The following MAD1L1 variants were observed in gnomAD, a reference collection of about 807,000 sequenced individuals.
MAD1L1 encodes the protein mitotic arrest deficient 1 like 1.
MAD1L1 carries 95 observed loss-of-function variants against 96.9 expected under a neutral mutation model. The observed-to-expected ratio is 0.98, with a 90% confidence interval of 0.83 to 1.16. The LOEUF is 1.16. Among genes scored for constraint, MAD1L1 ranks in the 50% most tolerant of loss-of-function variants. The pLI is 0.00. For synonymous variants in MAD1L1, 473 were observed against 396.6 expected (o/e 1.19, Z -2.29); for missense variants, 1,007 against 954.4 (o/e 1.06, Z -0.73).
At chr7:2,006,458 G>A (rs1782034167) in intron 13 of MAD1L1, among the ~76,000 whole-genome samples, 1 of 152,036 alleles carries the variant, frequency 6.6e-6, no homozygotes, top group African/African-American at 2.4e-5. Flanking sequence ...GGAGCATTTG[G>A]CAAACGTCCA....
At chr7:2,023,228 T>A (rs1423901590) in intron 12 of MAD1L1, among the ~76,000 whole-genome samples, 1 of 152,180 alleles carries the variant, frequency 6.6e-6, no homozygotes, top group Non-Finnish European at 1.5e-5. Flanking sequence ...AACAGCAGAA[T>A]ATATATTCCT....
intron 17 of MAD1L1, among the ~76,000 whole-genome samples, chr7:1,919,824 G>T (rs1022698148): frequency 6.6e-6 from 1 of 152,212 alleles, no homozygotes; most frequent in African/African-American, 2.4e-5. Context: ...ATCAGCTCAG[G>T]AGCAACTTTG....
intron 12 of MAD1L1, among the ~76,000 whole-genome samples, chr7:2,025,066 A>T (rs1584114616): frequency 6.6e-6 from 1 of 152,360 alleles, no homozygotes; most frequent in East Asian, 1.9e-4. Flanking sequence ...GTACTGGTTC[A>T]TGAACTGTAA....
At chr7:1,958,627 A>C (rs1355765203) in intron 15 of MAD1L1, among the ~76,000 whole-genome samples, 2 of 152,252 alleles carry the variant, frequency 1.3e-5, no homozygotes, top group African/African-American at 2.4e-5. Context: ...TCTAGAACAC[A>C]ACAAGCTAAA....
chr7:1,970,660 T>C (rs1780363995), intron 15 of MAD1L1, among the ~76,000 whole-genome samples: 1 of 152,080 alleles, frequency 6.6e-6, no homozygotes, highest in Admixed American at 6.5e-5. Flanking sequence ...AAGTAAAAAA[T>C]TTAAACACCT....
At chr7:2,071,410 G>A (rs947677310) in intron 11 of MAD1L1, among the ~76,000 whole-genome samples, 1 of 152,214 alleles carries the variant, frequency 6.6e-6, no homozygotes, top group Non-Finnish European at 1.5e-5. Flanking sequence ...GGACGCGGGC[G>A]TCTCATTTCA....
chr7:2,015,939 G>A (rs1289763675), intron 12 of MAD1L1, among the ~76,000 whole-genome samples: 1 of 152,246 alleles, frequency 6.6e-6, no homozygotes, highest in Non-Finnish European at 1.5e-5. Flanking sequence ...AGAGATGGAG[G>A]ATGAGGATGC....
At chr7:2,138,337 G>A (rs1251531643) in intron 11 of MAD1L1, among the ~76,000 whole-genome samples, 7 of 152,336 alleles carry the variant, frequency 4.6e-5, no homozygotes, top group East Asian at 1.9e-4. Flanking sequence ...GCAGGCTGGC[G>A]GTGGGGCGGT....
intron 10 of MAD1L1, among the ~76,000 whole-genome samples, chr7:2,170,645 G>A (rs1324151239): frequency 6.6e-6 from 1 of 152,198 alleles, no homozygotes; most frequent in Non-Finnish European, 1.5e-5. Flanking sequence ...GTGCTGGAGT[G>A]AAGAATAGTT....
chr7:1,863,441 G>A (rs1784626769), intron 18 of MAD1L1, among the ~76,000 whole-genome samples: 1 of 152,254 alleles, frequency 6.6e-6, no homozygotes, highest in African/African-American at 2.4e-5. Context: ...GAGGGCCTCT[G>A]TGAGGAGAAA....
intron 13 of MAD1L1, among the ~76,000 whole-genome samples, chr7:2,006,445 C>G (rs1476174831): frequency 6.6e-6 from 1 of 152,032 alleles, no homozygotes; most frequent in Admixed American, 6.6e-5. Context: ...GTCCCAGCAC[C>G]GAGGAGCATT....
At chr7:2,220,447 G>A (rs1436705944) in intron 5 of MAD1L1, among the ~76,000 whole-genome samples, 3 of 152,192 alleles carry the variant, frequency 2.0e-5, no homozygotes, top group South Asian at 2.1e-4. Flanking sequence ...CACGTGGGTC[G>A]AGCCAATGTG....
At chr7:1,944,403 C>T (rs76421927) in intron 16 of MAD1L1, among the ~76,000 whole-genome samples, 3,848 of 152,202 alleles carry the variant, frequency 0.025, 68 homozygotes, top group East Asian at 0.087. Flanking sequence ...AATGGCGGGC[C>T]GGGTGGGGAG....
At chr7:2,091,419 C>A (rs1419670648) in intron 11 of MAD1L1, among the ~76,000 whole-genome samples, 2 of 152,228 alleles carry the variant, frequency 1.3e-5, no homozygotes, top group Admixed American at 1.3e-4. Context: ...TGTGTTGAGC[C>A]AGTCAGGAGT....
At chr7:1,883,095 T>C (rs541632262) in intron 18 of MAD1L1, among the ~76,000 whole-genome samples, 4 of 131,938 alleles carry the variant, frequency 3.0e-5, no homozygotes, top group African/African-American at 8.0e-5. Context: ...GTGCCACAAA[T>C]GGCCCCAGGA....
chr7:1,961,752 G>A (rs988281556), intron 15 of MAD1L1, among the ~76,000 whole-genome samples: 8 of 152,214 alleles, frequency 5.3e-5, no homozygotes, highest in African/African-American at 1.9e-4. Flanking sequence ...GGAGGGATAT[G>A]GTGGGAGATA....
At chr7:2,164,600 G>C (rs1274733836) in intron 10 of MAD1L1, among the ~76,000 whole-genome samples, 3 of 148,738 alleles carry the variant, frequency 2.0e-5, no homozygotes, top group Non-Finnish European at 3.0e-5. Context: ...AAATGGGGGG[G>C]GGGGGGGTTG....
At chr7:1,864,021 G>A (rs1054046235) in intron 18 of MAD1L1, among the ~76,000 whole-genome samples, 13 of 152,058 alleles carry the variant, frequency 8.5e-5, no homozygotes, top group Admixed American at 7.9e-4. Flanking sequence ...TACTCTGGAG[G>A]AGCAGAGGTT....
rs941481856 is a variant in MAD1L1 at position 2,232,885 on chromosome 7, A to T, written c.-203T>A. 2.6e-5 allele frequency: 4 copies of T among 152,292 alleles called. No individual in the cohort carries two copies. The South Asian group carries it at 6.2e-4, about 24-fold the overall frequency. The allele number at this position is 152,292 out of a possible 1,614,324, so 9.4% of individuals were successfully genotyped here. On this transcript the variant is annotated 5_prime_UTR_variant, in exon 1 of 19. Transcript: ENST00000265854. ...CGGGCCGCTTACCTCAGCCGCTCGC[A>T]GCCAGCTTGCCGCCGCCGCTCGGAT...
Sources: allele counts gnomAD v4.1 joint callset (sites outside exome capture counted in the v4.1 genomes callset), GRCh38; gene constraint gnomAD v4.1.1; transcripts MANE v1.5; gene names NCBI Gene and HGNC (gene_info 2026-07-23, HGNC 2026-07-21).